The following HHIP variants were observed in gnomAD, a reference collection of about 807,000 sequenced individuals.
HHIP encodes hedgehog-interacting protein.
In HHIP, 12 loss-of-function variants were observed where a neutral mutation model predicts 74.0. The ratio of observed to expected loss-of-function variants is 0.16; its 90% CI spans 0.10 to 0.26. The LOEUF is 0.26. HHIP is among the 10% of genes least tolerant of loss of function. The pLI is 1.00. For synonymous variants in HHIP, 309 were observed against 311.6 expected, an observed-to-expected ratio of 0.99 and a Z score of 0.09; for missense variants, 788 against 845.0, an observed-to-expected ratio of 0.93 and a Z score of 0.84.
Position 144,699,141 on chromosome 4 carries a change from T to C in HHIP, c.832-7390T>C, listed in dbSNP as rs574284512. On this transcript the variant is annotated intron_variant, in intron 4 of 12. Transcript: ENST00000296575. ...GGGCTCAGCCCCATAAGACTGCTCC[T>C]ACTTCAAATACCAACCACAAATGGG... 3.9e-5 allele frequency among the ~76,000 whole-genome samples: 6 copies of C among 152,308 alleles called. No individual in the cohort carries two copies. In the South Asian group the frequency reaches 1.2e-3, roughly 32 times the overall value.
rs187765019 is a variant in HHIP, at chr4:144,672,796, G to C, written c.831+12958G>C. 1.5e-3 allele frequency among the ~76,000 whole-genome samples: 234 copies of C among 152,224 alleles called. 2 individuals are homozygous for C. Among genetic ancestry groups the C allele is most frequent in the African/African-American group, 5.0e-3 (209 of 41,520 alleles). Reference sequence around the variant, plus strand: ...GGCTTACTGCAACCCCTGCCTCCCGGGTTCAAGCGATTCTCCTGCCTCAGC... The same window carrying C: ...GGCTTACTGCAACCCCTGCCTCCCGCGTTCAAGCGATTCTCCTGCCTCAGC... On this transcript the variant is annotated intron_variant, in intron 4 of 12. Coordinates refer to ENST00000296575, the MANE Select transcript of HHIP (RefSeq NM_022475.3).
intron 4 of HHIP, among the ~76,000 whole-genome samples, chr4:144,678,845 T>C (rs1729248972): frequency 6.6e-6 from 1 of 152,222 alleles, no homozygotes; most frequent in Admixed American, 6.5e-5. Context: ...GCAATAAACA[T>C]ACGTGTGCAT....
chr4:144,721,864 T>C (rs1730647086), intron 11 of HHIP, among the ~76,000 whole-genome samples: 1 of 151,160 alleles, frequency 6.6e-6, no homozygotes, highest in Admixed American at 6.6e-5. Flanking sequence ...GATTGTGCCA[T>C]TGCACTCCAG....
chr4:144,714,815 T>C (rs1730399844), intron 9 of HHIP, among the ~76,000 whole-genome samples: 1 of 152,186 alleles, frequency 6.6e-6, no homozygotes, highest in Admixed American at 6.6e-5. Flanking sequence ...AATTTTAGTC[T>C]CAATTTTCAA....
intron 4 of HHIP, among the ~76,000 whole-genome samples, chr4:144,674,610 A>G (rs1010778670): frequency 6.6e-6 from 1 of 152,204 alleles, no homozygotes; most frequent in Non-Finnish European, 1.5e-5. Context: ...AAAAAAAACG[A>G]ATAAATCAAT....
chr4:144,729,718 G>C (rs1730896295), intron 11 of HHIP, among the ~76,000 whole-genome samples: 1 of 152,146 alleles, frequency 6.6e-6, no homozygotes, highest in African/African-American at 2.4e-5. Flanking sequence ...GGATAAAGGA[G>C]TAACACAGCT....
At chr4:144,718,167 A>G (rs1425855784) in intron 10 of HHIP, among the ~76,000 whole-genome samples, 3 of 152,194 alleles carry the variant, frequency 2.0e-5, no homozygotes, top group Non-Finnish European at 4.4e-5. Flanking sequence ...TCTAGTAGTG[A>G]AGAGGAATTT....
At chr4:144,731,015 T>C (rs983244458) in intron 11 of HHIP, among the ~76,000 whole-genome samples, 1 of 152,196 alleles carries the variant, frequency 6.6e-6, no homozygotes, top group Non-Finnish European at 1.5e-5. Flanking sequence ...ATTATAATTA[T>C]TATCAAAATG....
chr4:144,668,319 C>CAA (rs1220851273), intron 4 of HHIP, among the ~76,000 whole-genome samples: 2 of 130,510 alleles, frequency 1.5e-5, no homozygotes. Flanking sequence ...GATTCCATCT[C>CAA]AAAAAAAAAA....
chr4:144,732,321 T>C (rs1342380745), intron 11 of HHIP, among the ~76,000 whole-genome samples: 2 of 152,340 alleles, frequency 1.3e-5, no homozygotes, highest in African/African-American at 4.8e-5. Context: ...AATGTTTGTA[T>C]ATTACAGCCA....
intron 8 of HHIP, among the ~76,000 whole-genome samples, chr4:144,713,631 T>C (rs962025659): frequency 6.6e-6 from 1 of 152,164 alleles, no homozygotes; most frequent in Non-Finnish European, 1.5e-5. Flanking sequence ...TCAGGAGTTA[T>C]TGAAATAGAC....
chr4:144,669,563 A>G (rs1728973579), intron 4 of HHIP, among the ~76,000 whole-genome samples: 1 of 152,248 alleles, frequency 6.6e-6, no homozygotes, highest in Non-Finnish European at 1.5e-5. Context: ...TATTAAAAAT[A>G]ACAACTTGTT....
At chr4:144,735,603 T>C (rs1180836416) in intron 12 of HHIP, among the ~76,000 whole-genome samples, 1 of 152,162 alleles carries the variant, frequency 6.6e-6, no homozygotes, top group Non-Finnish European at 1.5e-5. Flanking sequence ...ATGTGTATGT[T>C]GAAAATGCAT....
At chr4:144,666,964 A>T (rs6537302) in intron 4 of HHIP, among the ~76,000 whole-genome samples, 55,020 of 152,086 alleles carry the variant, frequency 0.36, 11,325 homozygotes, top group South Asian at 0.52. Context: ...CCATCATCTA[A>T]CATACTAACA....
chr4:144,671,546 T>C (rs1166977135), intron 4 of HHIP, among the ~76,000 whole-genome samples: 1 of 152,212 alleles, frequency 6.6e-6, no homozygotes, highest in African/African-American at 2.4e-5. Context: ...ATTCCTGTAA[T>C]ATCCCACCTC....
At chr4:144,710,854 C>T (rs1171744254) in intron 7 of HHIP, among the ~76,000 whole-genome samples, 3 of 152,206 alleles carry the variant, frequency 2.0e-5, no homozygotes, top group Non-Finnish European at 4.4e-5. Flanking sequence ...ATAGAGAAAC[C>T]TAAAAACAAT....
At position 144,646,730 on chromosome 4, in the gene HHIP, T is replaced by C. The variant is rs928455960; in HGVS notation, c.55T>C (p.Phe19Leu). 1.3e-5 allele frequency: 21 copies of C among 1,614,002 alleles called. No individual in the cohort carries two copies. The highest frequency in any genetic ancestry group is 1.8e-5 in the Non-Finnish European group (21 of 1,180,026). The change falls in exon 1 of 13, where the codon TTT becomes CTT. Residue 19 changes from phenylalanine to leucine, a missense_variant. Phe to Leu is a conservative substitution (Grantham distance 22). This residue lies in a region of HHIP where 373 missense variants were observed against 366.4 expected (regional missense o/e 1.02). Transcript: ENST00000296575. ...GCTGCTGGCCGTGGCTCTGGGCTTCTTTGAAGGAGATGCTAAGTTTGGGGA... is the reference window on the plus strand; with the variant it reads ...GCTGCTGGCCGTGGCTCTGGGCTTCCTTGAAGGAGATGCTAAGTTTGGGGA... ...LLLLAVALGF[F>L]EGDAKFGERN...
At chr4:144,697,588 A>G (rs950240478) in intron 4 of HHIP, among the ~76,000 whole-genome samples, 3 of 152,030 alleles carry the variant, frequency 2.0e-5, no homozygotes, top group Admixed American at 1.3e-4. Flanking sequence ...AGTCAATCCA[A>G]TCTCTAATAT....
intron 4 of HHIP, among the ~76,000 whole-genome samples, chr4:144,700,301 T>C (rs1476339245): frequency 7.9e-5 from 12 of 152,230 alleles, no homozygotes; most frequent in Non-Finnish European, 1.6e-4. Flanking sequence ...CCTCTTTCAG[T>C]GCTCACAGGA....
Sources: gnomAD v4.1 joint callset for allele counts (sites outside exome capture counted in the v4.1 genomes callset) on GRCh38, gnomAD v4.1.1 for gene constraint, gnomAD v4.1.1 regional missense constraint, MANE v1.5 for transcripts, NCBI Gene and HGNC (gene_info 2026-07-23, HGNC 2026-07-21) for gene names.